Variants in PCDHA1 observed in about 807,000 individuals in gnomAD.
The protein encoded by PCDHA1 is protocadherin alpha 1, also known as protocadherin alpha-1.
A neutral mutation model predicts 61.3 loss-of-function variants in PCDHA1; 42 were observed. The ratio of observed to expected loss-of-function variants is 0.69; its 90% CI spans 0.54 to 0.89. PCDHA1 has a LOEUF of 0.89. Ranked by LOEUF, PCDHA1 falls within the 40% of genes least tolerant of loss-of-function variation. The probability of loss-of-function intolerance (pLI) is 0.00; values close to 1 mark genes in which losing one functional copy is unlikely to be tolerated. For missense variants in PCDHA1, 1,256 were observed against 1,235.3 expected (o/e 1.02, Z -0.25); for synonymous variants, 610 against 553.8 (o/e 1.10, Z -1.43).
intron 1 of PCDHA1, chr5:140,794,729 A>T (rs1472628526): frequency 2.0e-6 from 1 of 491,690 alleles, no homozygotes; most frequent in African/African-American, 1.9e-5. Flanking sequence ...GTAAACTTAA[A>T]CCAGAAAATC....
At chr5:140,969,253 C>T in intron 1 of PCDHA1, 3 of 1,614,202 alleles carry the variant, frequency 1.9e-6, no homozygotes, top group Non-Finnish European at 2.5e-6. Flanking sequence ...TGACTGACAG[C>T]AGGAATCTCA....
rs185115696 is a variant in PCDHA1, at chr5:140,899,982, A to G, written c.2395-78967A>G. Among the ~76,000 whole-genome samples the G allele has an allele frequency of 7.7e-3, 1,166 of 150,716 alleles. 5 individuals carry two copies. The highest frequency in any genetic ancestry group is 0.018 in the African/African-American group (738 of 41,016). On this transcript the variant is annotated intron_variant, in intron 1 of 3. Coordinates refer to ENST00000504120, the MANE Select transcript of PCDHA1 (RefSeq NM_018900.4). Reference sequence around the variant, plus strand: ...GCTGCCATGCCCAGCTACTTTTTTGATTTTTTTTGTAGAGATGAGGTCTCA... The same window carrying G: ...GCTGCCATGCCCAGCTACTTTTTTGGTTTTTTTTGTAGAGATGAGGTCTCA...
At chr5:140,788,887 G>A (rs567476959) in intron 1 of PCDHA1, 102 of 1,290,100 alleles carry the variant, frequency 7.9e-5, no homozygotes, top group Non-Finnish European at 9.7e-5. Flanking sequence ...GGGACAAATT[G>A]TCGTATTTCT....
intron 1 of PCDHA1, chr5:140,803,851 T>C (rs1410462680): frequency 1.0e-5 from 6 of 593,694 alleles, no homozygotes; most frequent in African/African-American, 3.7e-5. Flanking sequence ...TATTGCTAAA[T>C]GCCTGGGTAT....
chr5:140,926,985 G>A, intron 1 of PCDHA1: 1 of 1,611,068 alleles, frequency 6.2e-7, no homozygotes, highest in Non-Finnish European at 8.5e-7. Flanking sequence ...AGGAGACGGA[G>A]CGGGGCGTAG....
At chr5:140,808,198 T>G in intron 1 of PCDHA1, 1 of 1,614,222 alleles carries the variant, frequency 6.2e-7, no homozygotes, top group Non-Finnish European at 8.5e-7. Flanking sequence ...GTAGAGTTAT[T>G]GTGGAAGTAG....
At chr5:140,830,456 C>T in intron 1 of PCDHA1, 1 of 1,594,032 alleles carries the variant, frequency 6.3e-7, no homozygotes, top group South Asian at 1.1e-5. Context: ...GGCGGAGAAT[C>T]AGGATTTAAA....
At chr5:140,807,375 T>C (rs1763901819) in intron 1 of PCDHA1, 1 of 1,606,306 alleles carries the variant, frequency 6.2e-7, no homozygotes, top group Non-Finnish European at 8.5e-7. Flanking sequence ...GTGCCGCGCC[T>C]GTTCCGGGTG....
At chr5:140,876,558 T>C in intron 1 of PCDHA1, 1 of 1,614,216 alleles carries the variant, frequency 6.2e-7, no homozygotes, top group Non-Finnish European at 8.5e-7. Flanking sequence ...TGCAAGAGGA[T>C]GCTCAGGTGG....
intron 1 of PCDHA1, chr5:140,836,178 G>T (rs2150254808): frequency 1.2e-6 from 2 of 1,613,826 alleles, no homozygotes; most frequent in Non-Finnish European, 1.7e-6. Context: ...TGCAGTTGAC[G>T]CTGACTCAGG....
chr5:140,823,402 C>T (rs2150125577), intron 1 of PCDHA1: 2 of 1,613,148 alleles, frequency 1.2e-6, no homozygotes, highest in Admixed American at 1.7e-5. Context: ...GGGCGTGCCG[C>T]CTCTGGGCAG....
chr5:140,833,359 A>T (rs1015586759), intron 1 of PCDHA1, among the ~76,000 whole-genome samples: 2 of 152,216 alleles, frequency 1.3e-5, no homozygotes, highest in Non-Finnish European at 2.9e-5. Context: ...AAACGAACAC[A>T]GTAAGGTAGA....
intron 1 of PCDHA1, among the ~76,000 whole-genome samples, chr5:140,954,127 T>A (rs530320994): frequency 2.6e-5 from 4 of 152,372 alleles, no homozygotes; most frequent in Non-Finnish European, 5.9e-5. Context: ...TTCCTTTTTA[T>A]GGATGCATAG....
At chr5:140,855,863 C>A in intron 1 of PCDHA1, 2 of 763,578 alleles carry the variant, frequency 2.6e-6, no homozygotes, top group Non-Finnish European at 4.1e-6. Flanking sequence ...ATGTCGCTGT[C>A]GTCCACAAAA....
intron 1 of PCDHA1, chr5:140,868,480 T>G (rs1562616906): frequency 6.6e-6 from 1 of 152,316 alleles, no homozygotes. Flanking sequence ...AAACTTCAAT[T>G]TTTTCTTTGA....
chr5:140,883,467 CCTACAAGAA>C (rs1554178369), intron 1 of PCDHA1: 1 of 1,614,170 alleles, frequency 6.2e-7, no homozygotes, highest in East Asian at 2.2e-5. Flanking sequence ...CTGGTGTCCA[CCTACAAGAA>C]CTACTACTCA....
intron 1 of PCDHA1, among the ~76,000 whole-genome samples, chr5:140,838,064 G>T (rs1775403282): frequency 1.1e-5 from 1 of 88,812 alleles, no homozygotes; most frequent in African/African-American, 5.5e-5. Flanking sequence ...TCCACTTTAA[G>T]TTATATATAT....
intron 1 of PCDHA1, chr5:140,850,857 G>C: frequency 6.3e-7 from 1 of 1,595,010 alleles, no homozygotes; most frequent in Non-Finnish European, 8.6e-7. Flanking sequence ...GCGAACGGGA[G>C]AACCCTCTGC....
At position 140,979,408 on chromosome 5, in the gene PCDHA1, G is replaced by GT. The variant is rs558051720; in HGVS notation, c.2453+411dup. Among the ~76,000 whole-genome samples the GT allele has an allele frequency of 3.0e-3, 447 of 147,714 alleles. 2 individuals carry two copies. Among genetic ancestry groups the GT allele is most frequent in the East Asian group, 0.02 (102 of 5,050 alleles). On this transcript the variant is annotated intron_variant, in intron 2 of 3. Coordinates refer to ENST00000504120, the MANE Select transcript of PCDHA1 (RefSeq NM_018900.4). ...TGTATACATACATGTTGTCTACCTT[G>GT]TTTTTTTTTTAATCTCACATTGGCT...
Sources: gnomAD v4.1 joint callset for allele counts (sites outside exome capture counted in the v4.1 genomes callset) on GRCh38, gnomAD v4.1.1 for gene constraint, MANE v1.5 for transcripts, NCBI Gene and HGNC (gene_info 2026-07-23, HGNC 2026-07-21) for gene names.